Variants in MVK observed in about 807,000 individuals in gnomAD.
MVK encodes LH receptor mRNA-binding protein.
Under a neutral mutation model 43.2 loss-of-function variants are expected in MVK, and 34 were observed. The ratio of observed to expected loss-of-function variants is 0.79; its 90% CI spans 0.60 to 1.05. MVK has a LOEUF of 1.05. Among genes scored for constraint, MVK ranks in the 50% least tolerant of loss-of-function variants. The pLI, the probability that MVK is intolerant of heterozygous loss-of-function variation, is 0.00. For synonymous variants in MVK, 190 were observed against 219.8 expected, an observed-to-expected ratio of 0.86 and a Z score of 1.20; for missense variants, 395 against 504.0, an observed-to-expected ratio of 0.78 and a Z score of 2.07.
intron 3 of MVK, 27 bp from the exon 4 acceptor site, chr12:109,579,775 G>T: frequency 6.2e-7 from 1 of 1,614,162 alleles, no homozygotes; most frequent in Non-Finnish European, 8.5e-7. Flanking sequence ...TCACCCACTT[G>T]TGTTTGCTTG....
rs745575763 is a variant in MVK, at chr12:109,586,115, C to CA, written c.622dup (p.Ser208LysfsTer69). 6.2e-7 allele frequency: 1 copy of CA among 1,613,484 alleles called. No individual in the cohort carries two copies. Among genetic ancestry groups the CA allele is most frequent in the African/African-American group, 1.3e-5 (1 of 75,034 alleles). On this transcript the variant is annotated frameshift_variant, in exon 6 of 11. Transcript: ENST00000228510. LOFTEE classifies it high-confidence loss of function. ...ACCCCTCCGGAGTGGACAATGCTGT[C>CA]AGCACCTGGGGTAGGTGTGGCCTCA...
chr12:109,579,251 T>G (rs1418966629), intron 3 of MVK: 2 of 438,710 alleles, frequency 4.6e-6, no homozygotes, highest in African/African-American at 4.1e-5. Flanking sequence ...GCGATCCTCC[T>G]GCCTCAGCCT....
At chr12:109,590,279 T>C (rs2136243881) in intron 7 of MVK, 1 of 261,720 alleles carries the variant, frequency 3.8e-6, no homozygotes, top group East Asian at 9.1e-5. Flanking sequence ...CGCCCCCTCC[T>C]TGTACTCTGC....
chr12:109,577,370 G>T (rs1412813454), intron 3 of MVK, among the ~76,000 whole-genome samples: 1 of 152,134 alleles, frequency 6.6e-6, no homozygotes, highest in Non-Finnish European at 1.5e-5. Flanking sequence ...ATCTTTTTGG[G>T]TTTTTTCCTT....
At chr12:109,579,697 C>A in intron 3 of MVK, 105 bp from the exon 4 acceptor site, 1 of 1,472,022 alleles carries the variant, frequency 6.8e-7, no homozygotes, top group East Asian at 2.3e-5. Flanking sequence ...TCGTGTCCAT[C>A]CATGTTCCAA....
chr12:109,580,190 C>T lies in MVK; in HGVS notation c.371+244C>T, dbSNP rs557789454. On this transcript the variant is annotated intron_variant, in intron 4 of 10. Coordinates refer to ENST00000228510, the MANE Select transcript of MVK (RefSeq NM_000431.4). ...TGATCTCAGCTGACTCCAGCCTCGA[C>T]CTCCCAGGCTCAAGTGATCCTTCCA... Among the ~76,000 whole-genome samples, 4 of 152,284 alleles carry T rather than the reference C, an allele frequency of 2.6e-5. No homozygotes were observed. The East Asian group carries it at 5.8e-4, about 22-fold the overall frequency.
intron 2 of MVK, among the ~76,000 whole-genome samples, chr12:109,575,345 T>C (rs1191417936): frequency 6.6e-6 from 1 of 152,192 alleles, no homozygotes; most frequent in East Asian, 1.9e-4. Flanking sequence ...AAGTGGTAAC[T>C]TGATCCAAGT....
At chr12:109,586,196 G>A in intron 6 of MVK, 71 bp downstream of exon 6, 3 of 1,201,930 alleles carry the variant, frequency 2.5e-6, no homozygotes, top group Non-Finnish European at 3.6e-6. Context: ...AGGTGCCCAA[G>A]AGTCTGTGCT....
chr12:109,591,358 G>A lies in MVK; in HGVS notation c.885+1G>A. On this transcript the variant is annotated splice_donor_variant, in intron 9 of 10. Coordinates refer to ENST00000228510, the MANE Select transcript of MVK (RefSeq NM_000431.4). LOFTEE classifies it high-confidence loss of function. Reference sequence around the variant, plus strand: ...CCCGGAGCAGTACCTCGTGCTGGAAGTAAGAGCCTGTCTGCAGGAACCGGG... The same window carrying A: ...CCCGGAGCAGTACCTCGTGCTGGAAATAAGAGCCTGTCTGCAGGAACCGGG... 1 of 1,613,710 alleles carries A rather than the reference G, an allele frequency of 6.2e-7. No homozygotes were observed. The highest frequency in any genetic ancestry group is 8.5e-7 in the Non-Finnish European group (1 of 1,179,664).
intron 2 of MVK, among the ~76,000 whole-genome samples, 199 bp from the exon 3 acceptor site, chr12:109,575,799 T>C (rs1884923321): frequency 6.6e-6 from 1 of 152,156 alleles, no homozygotes; most frequent in African/African-American, 2.4e-5. Context: ...GAAGGCAAAG[T>C]GGATTTTAAC....
In MVK at chr12:109,594,923, G is replaced by A. The variant is rs996591148; in HGVS notation, c.886-105G>A. 4.1e-6 allele frequency: 6 copies of A among 1,452,304 alleles called. No individual in the cohort carries two copies. The Admixed American group carries it at 1.0e-4, about 25-fold the overall frequency. 90.0% of individuals were successfully genotyped at this position (1,452,304 alleles called of 1,614,324 possible). ...TGCCAGGTAGGCAAAGCCGTTGGCT[G>A]TCTCCAGCCAACAACTGTCAGATGG... On this transcript the variant is annotated intron_variant, in intron 9 of 10. Coordinates refer to ENST00000228510, the MANE Select transcript of MVK (RefSeq NM_000431.4).
At chr12:109,576,222 C>T in intron 3 of MVK, 77 bp downstream of exon 3, 1 of 1,587,044 alleles carries the variant, frequency 6.3e-7, no homozygotes. Context: ...TGGGCTGTCC[C>T]CAAGGGAGCC....
rs2136261733 is a variant in MVK, at chr12:109,597,897, T to TCC, written c.*1322_*1323dup. 6.6e-6 allele frequency: 1 copy of TCC among 152,264 alleles called. No individual in the cohort carries two copies. Among genetic ancestry groups the TCC allele is most frequent in the African/African-American group, 2.4e-5 (1 of 41,538 alleles). 9.4% of individuals were successfully genotyped at this position (152,264 alleles called of 1,614,324 possible). A position where few individuals can be genotyped will look rare whatever the true frequency, so the allele number is the denominator to read the frequency against. ...GCCACTAGGGGGCAGCTGGCGGCCT[T>TCC]CCCTGCTGTTGTCTTCCTGCAGGGT... On this transcript the variant is annotated 3_prime_UTR_variant, in exon 11 of 11. Transcript: ENST00000228510.
At chr12:109,585,582 A>G (rs1322746374) in intron 5 of MVK, among the ~76,000 whole-genome samples, 1 of 152,166 alleles carries the variant, frequency 6.6e-6, no homozygotes, top group Non-Finnish European at 1.5e-5. Flanking sequence ...AGCCTGTCCA[A>G]TATGGTGAAA....
chr12:109,573,450 C>T (rs749112019), upstream of MVK: 2 of 1,607,970 alleles, frequency 1.2e-6, no homozygotes, highest in Non-Finnish European at 8.5e-7. Context: ...CTCCCCAGGC[C>T]AAGACGGCTC....
intron 1 of MVK, among the ~76,000 whole-genome samples, chr12:109,574,344 T>C (rs780801796): frequency 1.3e-5 from 2 of 152,234 alleles, no homozygotes; most frequent in African/African-American, 2.4e-5. Flanking sequence ...CAAAGAGTTC[T>C]TTCTGCTCCA....
intron 4 of MVK, among the ~76,000 whole-genome samples, chr12:109,580,389 G>A (rs1341134673): frequency 2.0e-5 from 3 of 152,182 alleles, no homozygotes; most frequent in Non-Finnish European, 2.9e-5. Flanking sequence ...AGGCATGAGC[G>A]ACTGCACCCG....
chr12:109,575,891 G>A, intron 2 of MVK, 107 bp from the exon 3 acceptor site: 1 of 1,341,414 alleles, frequency 7.5e-7, no homozygotes, highest in Admixed American at 1.7e-5. Context: ...GCAAGGGCAT[G>A]GCTAGGAGTG....
chr12:109,596,758 G>T lies in MVK; in HGVS notation c.*181G>T. ...CAGCGGTGGGACCTAGGGAGGCATG[G>T]TCTGCCCTCTGCATCCTCTGGAGCC... On this transcript the variant is annotated 3_prime_UTR_variant, in exon 11 of 11. Transcript: ENST00000228510. The T allele has an allele frequency of 1.1e-6, 1 of 900,844 alleles. No individual in the cohort carries two copies. Among genetic ancestry groups the T allele is most frequent in the Non-Finnish European group, 1.7e-6 (1 of 587,412 alleles). The allele number at this position is 900,844 out of a possible 1,614,324, so 55.8% of individuals were successfully genotyped here.
Sources: allele counts gnomAD v4.1 joint callset (sites outside exome capture counted in the v4.1 genomes callset), GRCh38; gene constraint gnomAD v4.1.1; transcripts MANE v1.5; gene names NCBI Gene and HGNC (gene_info 2026-07-23, HGNC 2026-07-21).